The following LARP4 variants were observed in gnomAD, a reference collection of about 807,000 sequenced individuals.
The protein encoded by LARP4 is La ribonucleoprotein 4.
Under a neutral mutation model 92.9 loss-of-function variants are expected in LARP4, and 29 were observed. The ratio of observed to expected loss-of-function variants is 0.31; its 90% CI spans 0.23 to 0.43. The LOEUF (loss-of-function observed/expected upper bound fraction) is 0.43, where lower values mean the gene tolerates loss of function less well. LARP4 is among the 20% of genes least tolerant of loss of function. The pLI is 1.00. For missense variants in LARP4, 732 were observed against 860.0 expected (o/e 0.85, Z 1.86); for synonymous variants, 279 against 284.1 (o/e 0.98, Z 0.18).
intron 1 of LARP4, among the ~76,000 whole-genome samples, chr12:50,426,149 G>T (rs1227121177): frequency 6.6e-6 from 1 of 152,108 alleles, no homozygotes; most frequent in Non-Finnish European, 1.5e-5. Context: ...TGAGGGAAGA[G>T]GATAGGGAGA....
intron 8 of LARP4, among the ~76,000 whole-genome samples, chr12:50,449,979 A>G (rs1188135597): frequency 3.3e-5 from 4 of 119,642 alleles, no homozygotes; most frequent in Admixed American, 1.3e-4. Flanking sequence ...CTGTTGCCAG[A>G]CTGGAGTGCA....
chr12:50,412,887 C>G (rs181058395), intron 1 of LARP4, among the ~76,000 whole-genome samples: 1 of 152,128 alleles, frequency 6.6e-6, no homozygotes, highest in East Asian at 1.9e-4. Context: ...TGGAAGTGAT[C>G]AAGATTTTGA....
At chr12:50,464,447 A>G (rs933677715) in intron 12 of LARP4, among the ~76,000 whole-genome samples, 12 of 152,222 alleles carry the variant, frequency 7.9e-5, no homozygotes, top group Non-Finnish European at 1.8e-4. Context: ...CTAGAGTGCA[A>G]ATGGCACAAT....
At chr12:50,425,551 T>C (rs1948581625) in intron 1 of LARP4, among the ~76,000 whole-genome samples, 2 of 152,244 alleles carry the variant, frequency 1.3e-5, no homozygotes, top group African/African-American at 4.8e-5. Flanking sequence ...TCTGTTCTGC[T>C]ATCAGTCAAA....
chr12:50,430,420 T>C, intron 3 of LARP4, 75 bp from the exon 4 acceptor site: 1 of 754,996 alleles, frequency 1.3e-6, no homozygotes, highest in East Asian at 2.5e-5. Flanking sequence ...GGCTTCTGAG[T>C]ACAACAGTAT....
Position 50,478,248 on chromosome 12 carries a change from T to G in LARP4, c.*2384T>G, listed in dbSNP as rs1439949336. On this transcript the variant is annotated 3_prime_UTR_variant, in exon 16 of 16. Coordinates refer to ENST00000398473, the MANE Select transcript of LARP4 (RefSeq NM_052879.5). ...TTTAAAAATTTTCTCATTAAGACAA[T>G]GTTTTTAATTTAATTTGCCTCATTA... The G allele has an allele frequency of 6.6e-6, 1 of 152,100 alleles. No homozygotes were observed. The highest frequency in any genetic ancestry group is 1.5e-5 in the Non-Finnish European group (1 of 67,938). 9.4% of individuals were successfully genotyped at this position (152,100 alleles called of 1,614,324 possible). A position where few individuals can be genotyped will look rare whatever the true frequency, so the allele number is the denominator to read the frequency against.
At chr12:50,453,066 A>G (rs1953537052) in intron 8 of LARP4, among the ~76,000 whole-genome samples, 1 of 146,554 alleles carries the variant, frequency 6.8e-6, no homozygotes, top group South Asian at 2.1e-4. Flanking sequence ...GCATGCCACC[A>G]TGCCCAGCTT....
In LARP4 at chr12:50,453,595, C is replaced by A; in HGVS notation, c.940C>A (p.His314Asn). The change falls in exon 9 of 16, where the codon CAC becomes AAC. Residue 314 changes from histidine to asparagine, a missense_variant. Coordinates refer to ENST00000398473, the MANE Select transcript of LARP4 (RefSeq NM_052879.5). ...CTTTATGCAGCCTGTATATAATCCTCACCAACAGTACTCGGTCTATAGTAT... is the reference window on the plus strand; with the variant it reads ...CTTTATGCAGCCTGTATATAATCCTAACCAACAGTACTCGGTCTATAGTAT... ...PVFMQPVYNPHQQYSVYSIVP... is the reference protein window; with the variant it reads ...PVFMQPVYNPNQQYSVYSIVP... 1 of 1,613,714 alleles carries A rather than the reference C, an allele frequency of 6.2e-7. No individual in the cohort carries two copies. Among genetic ancestry groups the A allele is most frequent in the East Asian group, 2.2e-5 (1 of 44,854 alleles).
chr12:50,430,468 T>C (rs1949476797), intron 3 of LARP4, 27 bp from the exon 4 acceptor site: 2 of 1,411,926 alleles, frequency 1.4e-6, no homozygotes, highest in Non-Finnish European at 2.0e-6. Context: ...CTATTAACTT[T>C]TTTTCCCTCT....
chr12:50,414,915 A>G (rs926276680), intron 1 of LARP4, among the ~76,000 whole-genome samples: 1 of 152,160 alleles, frequency 6.6e-6, no homozygotes, highest in Non-Finnish European at 1.5e-5. Flanking sequence ...TTTAAAATGT[A>G]TAGTCTTGGC....
chr12:50,438,390 G>T (rs550971171), intron 6 of LARP4, among the ~76,000 whole-genome samples: 8 of 151,790 alleles, frequency 5.3e-5, no homozygotes, highest in Admixed American at 4.6e-4. Flanking sequence ...CCAGCTACTT[G>T]AGAGGCTGAG....
intron 12 of LARP4, among the ~76,000 whole-genome samples, chr12:50,462,902 C>T (rs901811309): frequency 1.3e-5 from 2 of 152,090 alleles, no homozygotes; most frequent in Non-Finnish European, 2.9e-5. Flanking sequence ...AATAAAAACA[C>T]GAAGTCTTTC....
rs149501561 is a variant in LARP4 at position 50,421,229 on chromosome 12, G to A, written c.19-6533G>A. Reference sequence around the variant, plus strand: ...CTCTCAAAGTGCTTTGATTACAGGCGTGAGCCACCGTACCCAGCCGGCTTT... The same window carrying A: ...CTCTCAAAGTGCTTTGATTACAGGCATGAGCCACCGTACCCAGCCGGCTTT... On this transcript the variant is annotated intron_variant, in intron 1 of 15. Transcript: ENST00000398473. The A allele has an allele frequency of 1.4e-4, 133 of 978,406 alleles. No homozygotes were observed. In the African/African-American group the frequency reaches 2.1e-3, roughly 16 times the overall value. The allele number at this position is 978,406 out of a possible 1,614,324, so 60.6% of individuals were successfully genotyped here.
chr12:50,478,490 A>G lies in LARP4; in HGVS notation c.*2626A>G, dbSNP rs986480683. ...TTGTAACTAATGAGGGTGGATGTTC[A>G]TTGTAGTTTATTTATTTGGTTCTTT... On this transcript the variant is annotated 3_prime_UTR_variant, in exon 16 of 16. Coordinates refer to ENST00000398473, the MANE Select transcript of LARP4 (RefSeq NM_052879.5). 1.3e-5 allele frequency: 2 copies of G among 152,050 alleles called. No individual in the cohort carries two copies. Among genetic ancestry groups the G allele is most frequent in the Non-Finnish European group, 2.9e-5 (2 of 67,960 alleles). 9.4% of individuals were successfully genotyped at this position (152,050 alleles called of 1,614,324 possible).
At chr12:50,472,900 A>G (rs1386365787) in intron 13 of LARP4, among the ~76,000 whole-genome samples, 3 of 151,164 alleles carry the variant, frequency 2.0e-5, no homozygotes, top group East Asian at 3.9e-4. Context: ...GCTCACTGCA[A>G]CCTCCGCCTC....
At chr12:50,440,135 A>T (rs2137590133) in intron 6 of LARP4, among the ~76,000 whole-genome samples, 1 of 152,340 alleles carries the variant, frequency 6.6e-6, no homozygotes, top group South Asian at 2.1e-4. Flanking sequence ...TCCCAAAATC[A>T]TGTACAAAAT....
At chr12:50,462,392 A>AT (rs576152902) in intron 11 of LARP4, among the ~76,000 whole-genome samples, 190 bp from the exon 12 acceptor site, 146 of 151,210 alleles carry the variant, frequency 9.7e-4, no homozygotes, top group Non-Finnish European at 1.9e-3. Flanking sequence ...AGGCAGGAGA[A>AT]TTGCTTGAAC....
At chr12:50,472,575 G>A (rs1421038963) in intron 13 of LARP4, among the ~76,000 whole-genome samples, 3 of 151,204 alleles carry the variant, frequency 2.0e-5, no homozygotes, top group East Asian at 3.9e-4. Flanking sequence ...AGGGAGTGCC[G>A]TGGTACTATC....
At position 50,412,304 on chromosome 12, in the gene LARP4, G is replaced by A. The variant is rs761694263; in HGVS notation, c.18+11276G>A. The A allele has an allele frequency of 3.7e-5, 9 of 245,120 alleles. No homozygotes were observed. In the South Asian group the frequency reaches 1.3e-3, roughly 37 times the overall value. 15.2% of individuals were successfully genotyped at this position (245,120 alleles called of 1,614,324 possible). ...TCCCCCCCTAAGTACTTGTAACTTA[G>A]TAGTAGCCCTCTCAGTATTGGAGAT... On this transcript the variant is annotated intron_variant, in intron 1 of 15. Transcript: ENST00000398473.
Sources: gnomAD v4.1 joint callset for allele counts (sites outside exome capture counted in the v4.1 genomes callset) on GRCh38, gnomAD v4.1.1 for gene constraint, MANE v1.5 for transcripts, NCBI Gene and HGNC (gene_info 2026-07-23, HGNC 2026-07-21) for gene names.